ZFAND3: variants seen among roughly 807,000 people sequenced by gnomAD.
ZFAND3 encodes the protein AN1-type zinc finger protein 3.
In ZFAND3, 10 loss-of-function variants were observed where a neutral mutation model predicts 29.6. That is an observed-to-expected ratio of 0.34 (90% CI 0.21 to 0.57). The LOEUF (loss-of-function observed/expected upper bound fraction) is 0.57, where lower values mean the gene tolerates loss of function less well. Ranked by LOEUF, ZFAND3 falls within the 20% of genes least tolerant of loss-of-function variation. ZFAND3 has a pLI of 0.86. For missense variants in ZFAND3, 230 were observed against 304.5 expected (o/e 0.76, Z 1.82); for synonymous variants, 128 against 112.6 (o/e 1.14, Z -0.87).
intron 2 of ZFAND3, among the ~76,000 whole-genome samples, chr6:38,053,879 A>G (rs1404936859): frequency 6.6e-6 from 1 of 152,058 alleles, no homozygotes; most frequent in Non-Finnish European, 1.5e-5. Context: ...CTGGCTTCTG[A>G]CTATTCTCTA....
At chr6:37,846,479 G>A (rs1764179158) in intron 1 of ZFAND3, among the ~76,000 whole-genome samples, 2 of 152,162 alleles carry the variant, frequency 1.3e-5, no homozygotes, top group South Asian at 2.1e-4. Flanking sequence ...AAGCCATCGA[G>A]CACCTAATAA....
In ZFAND3 at chr6:38,153,453, G is replaced by GT. The variant is rs1191280989; in HGVS notation, c.*1065dup. ...CAGCCCCATAGTCCAAGGACACCCA[G>GT]TCCACATCTACCATATAGCAAGTTT... is the stretch of plus-strand genomic sequence containing the variant. On this transcript the variant is annotated 3_prime_UTR_variant, in exon 6 of 6. Coordinates refer to ENST00000287218, the MANE Select transcript of ZFAND3 (RefSeq NM_021943.3). 5.1e-6 allele frequency: 5 copies of GT among 985,434 alleles called. No homozygotes were observed. Among genetic ancestry groups the GT allele is most frequent in the African/African-American group, 1.7e-5 (1 of 57,234 alleles). 61.0% of individuals were successfully genotyped at this position (985,434 alleles called of 1,614,324 possible). A position where few individuals can be genotyped will look rare whatever the true frequency, so the allele number is the denominator to read the frequency against.
At chr6:37,975,138 C>A (rs183981267) in intron 2 of ZFAND3, among the ~76,000 whole-genome samples, 1 of 152,308 alleles carries the variant, frequency 6.6e-6, no homozygotes. Context: ...TCCATATCCT[C>A]ACCAACACTT....
intron 1 of ZFAND3, among the ~76,000 whole-genome samples, chr6:37,860,038 A>ATTT (rs367545879): frequency 7.5e-6 from 1 of 134,186 alleles, no homozygotes; most frequent in African/African-American, 2.8e-5. Context: ...CGCCCAGCTA[A>ATTT]TTTTTTTTTT....
At chr6:37,958,004 A>G (rs1762113984) in intron 2 of ZFAND3, among the ~76,000 whole-genome samples, 2 of 152,228 alleles carry the variant, frequency 1.3e-5, no homozygotes, top group Non-Finnish European at 2.9e-5. Context: ...GAGATCAATA[A>G]CAAAGGTAAA....
Position 38,017,935 on chromosome 6 carries a change from G to A in ZFAND3, c.113-43658G>A, listed in dbSNP as rs902090120. 3.3e-5 allele frequency among the ~76,000 whole-genome samples: 5 copies of A among 152,286 alleles called. No homozygotes were observed. The South Asian group carries it at 1.0e-3, about 32-fold the overall frequency. On this transcript the variant is annotated intron_variant, in intron 2 of 5. Coordinates refer to ENST00000287218, the MANE Select transcript of ZFAND3 (RefSeq NM_021943.3). ...AGTCTTATCTCATTCTCAAAAGTATGCCTTTTCCTAGGTTCCCAGAAAACT... is the reference window on the plus strand; with the variant it reads ...AGTCTTATCTCATTCTCAAAAGTATACCTTTTCCTAGGTTCCCAGAAAACT...
intron 2 of ZFAND3, among the ~76,000 whole-genome samples, chr6:37,938,240 A>G (rs1366286886): frequency 6.6e-6 from 1 of 152,244 alleles, no homozygotes; most frequent in Non-Finnish European, 1.5e-5. Flanking sequence ...GCTCTTGTTC[A>G]TTTTAACTAT....
intron 5 of ZFAND3, among the ~76,000 whole-genome samples, chr6:38,121,569 C>T (rs1323977892): frequency 1.3e-5 from 2 of 152,152 alleles, no homozygotes; most frequent in African/African-American, 4.8e-5. Flanking sequence ...TTAAAGAATA[C>T]AACCCTCTAT....
At chr6:38,007,407 A>T (rs919921647) in intron 2 of ZFAND3, among the ~76,000 whole-genome samples, 1 of 152,044 alleles carries the variant, frequency 6.6e-6, no homozygotes, top group African/African-American at 2.4e-5. Context: ...TTTGTCCGGC[A>T]TGATGGTATA....
At chr6:38,010,275 G>A (rs535345804) in intron 2 of ZFAND3, among the ~76,000 whole-genome samples, 3 of 152,172 alleles carry the variant, frequency 2.0e-5, no homozygotes, top group Admixed American at 6.5e-5. Flanking sequence ...GGAAGAGTAC[G>A]CAGAAAAAAA....
chr6:37,879,256 A>G (rs1373875442), intron 1 of ZFAND3, among the ~76,000 whole-genome samples: 3 of 152,302 alleles, frequency 2.0e-5, no homozygotes, highest in Non-Finnish European at 1.5e-5. Context: ...GGGATGCTTA[A>G]TATCACTTCT....
chr6:37,984,834 C>T (rs1762639119), intron 2 of ZFAND3, among the ~76,000 whole-genome samples: 2 of 152,180 alleles, frequency 1.3e-5, no homozygotes, highest in South Asian at 4.1e-4. Context: ...CATTGCATCT[C>T]CCTTTTGAGA....
chr6:38,046,261 T>G (rs1763902768), intron 2 of ZFAND3, among the ~76,000 whole-genome samples: 1 of 152,218 alleles, frequency 6.6e-6, no homozygotes, highest in Admixed American at 6.5e-5. Flanking sequence ...TAAGAGATAA[T>G]GGGAGTTGTC....
rs775199675 is a variant in ZFAND3 at position 37,828,741 on chromosome 6, C to G, written c.71+8725C>G. On this transcript the variant is annotated intron_variant, in intron 1 of 5. Coordinates refer to ENST00000287218, the MANE Select transcript of ZFAND3 (RefSeq NM_021943.3). ...TTGGCTCACTGCAACCTCTGCCTCC[C>G]GGATTCAAGCCGATTTCTTCTGCCT... Among the ~76,000 whole-genome samples, 258 of 152,122 alleles carry G rather than the reference C, an allele frequency of 1.7e-3. 2 individuals are homozygous for G. Among genetic ancestry groups the G allele is most frequent in the Non-Finnish European group, 9.6e-4 (65 of 67,980 alleles).
At chr6:37,965,963 A>T (rs982064234) in intron 2 of ZFAND3, among the ~76,000 whole-genome samples, 1 of 152,046 alleles carries the variant, frequency 6.6e-6, no homozygotes, top group Admixed American at 6.5e-5. Context: ...GGGTTTTGCC[A>T]TGTTACCCAG....
rs138947445 is a variant in ZFAND3 at position 37,982,456 on chromosome 6, C to T, written c.112+52457C>T. ...ATGATGCAAATATAGTCATGTGTAACAATGTTTGCATCAAGGGCAGACCAC... is the reference window on the plus strand; with the variant it reads ...ATGATGCAAATATAGTCATGTGTAATAATGTTTGCATCAAGGGCAGACCAC... On this transcript the variant is annotated intron_variant, in intron 2 of 5. Transcript: ENST00000287218. 2.1e-4 allele frequency among the ~76,000 whole-genome samples: 32 copies of T among 152,150 alleles called. 1 individual carries two copies. In the East Asian group the frequency reaches 5.8e-3, roughly 28 times the overall value.
At chr6:37,842,825 TA>T (rs1392648297) in intron 1 of ZFAND3, among the ~76,000 whole-genome samples, 2 of 152,162 alleles carry the variant, frequency 1.3e-5, no homozygotes, top group Admixed American at 6.6e-5. Context: ...GATGATCTTT[TA>T]AATCTTAATT....
At chr6:37,870,068 G>A (rs988372057) in intron 1 of ZFAND3, among the ~76,000 whole-genome samples, 1 of 151,786 alleles carries the variant, frequency 6.6e-6, no homozygotes, top group Non-Finnish European at 1.5e-5. Flanking sequence ...ATTTCGGTAC[G>A]TTGTGTTTTT....
chr6:37,936,326 C>G (rs1273049369), intron 2 of ZFAND3, among the ~76,000 whole-genome samples: 2 of 152,144 alleles, frequency 1.3e-5, no homozygotes, highest in Non-Finnish European at 2.9e-5. Context: ...AGTATGGTGA[C>G]TAGAAAGTAG....
Sources: gnomAD v4.1 joint callset for allele counts (sites outside exome capture counted in the v4.1 genomes callset) on GRCh38, gnomAD v4.1.1 for gene constraint, MANE v1.5 for transcripts, NCBI Gene and HGNC (gene_info 2026-07-23, HGNC 2026-07-21) for gene names.